NHSL3: variants seen among roughly 807,000 people sequenced by gnomAD.
NHSL3 encodes the protein NHS like 3.
chr1:32,756,932 G>A, the NHSL3 span, among the ~76,000 whole-genome samples: 1 of 152,198 alleles, frequency 6.6e-6, no homozygotes, highest in Admixed American at 6.5e-5. Flanking sequence ...TTGCGCCACT[G>A]CACTCCAGCC....
the NHSL3 span, among the ~76,000 whole-genome samples, chr1:32,757,486 A>G: frequency 2.0e-5 from 3 of 151,966 alleles, no homozygotes; most frequent in South Asian, 4.2e-4. Context: ...CTGCAGAGAC[A>G]CTTCGGAGGA....
chr1:32,756,478 C>G, the NHSL3 span, among the ~76,000 whole-genome samples: 2 of 113,956 alleles, frequency 1.8e-5, no homozygotes, highest in Admixed American at 8.4e-5. Flanking sequence ...AGACCCCCCC[C>G]CCCCGCCCAT....
the NHSL3 span, chr1:32,753,907 C>T: frequency 1.8e-5 from 4 of 226,912 alleles, no homozygotes; most frequent in Admixed American, 5.8e-5. Flanking sequence ...GGCCCCGCCC[C>T]TCCTCCGGGC....
the NHSL3 span, chr1:32,742,038 C>A: frequency 7.9e-7 from 1 of 1,259,702 alleles, no homozygotes; most frequent in Non-Finnish European, 1.0e-6. Flanking sequence ...AGAAGTCCCG[C>A]TCCGGCGCGT....
chr1:32,771,956 C>A, the NHSL3 span: 1 of 1,605,376 alleles, frequency 6.2e-7, no homozygotes, highest in Middle Eastern at 1.7e-4. Context: ...GTGCCTGCCC[C>A]CTCCTCAGGG....
At chr1:32,768,195 G>A in the NHSL3 span, 18 of 1,018,760 alleles carry the variant, frequency 1.8e-5, no homozygotes, top group Non-Finnish European at 2.6e-5. Context: ...GAACATTTCT[G>A]GGTCTCAGTT....
chr1:32,769,584 C>A, the NHSL3 span: 1 of 1,028,786 alleles, frequency 9.7e-7, no homozygotes, highest in Non-Finnish European at 1.5e-6. Flanking sequence ...AACCATTTCT[C>A]GCAGAGCTCT....
chr1:32,765,271 C>G, the NHSL3 span, among the ~76,000 whole-genome samples: 1 of 152,044 alleles, frequency 6.6e-6, no homozygotes, highest in East Asian at 1.9e-4. Flanking sequence ...ACTAGCAGCT[C>G]TGGGCTCCTG....
chr1:32,742,534 G>A, the NHSL3 span, among the ~76,000 whole-genome samples: 1 of 152,266 alleles, frequency 6.6e-6, no homozygotes, highest in Non-Finnish European at 1.5e-5. Context: ...GGGGGTCAGA[G>A]ACTTAACGCT....
chr1:32,768,639 T>C, the NHSL3 span: 1 of 1,613,958 alleles, frequency 6.2e-7, no homozygotes, highest in Non-Finnish European at 8.5e-7. Context: ...CAGATCTCCT[T>C]CTACCCTGAT....
the NHSL3 span, among the ~76,000 whole-genome samples, chr1:32,747,919 G>A: frequency 6.6e-6 from 1 of 152,132 alleles, no homozygotes; most frequent in Non-Finnish European, 1.5e-5. Flanking sequence ...GACTAGCCTG[G>A]CCAACATGGC....
At chr1:32,757,793 G>A in the NHSL3 span, among the ~76,000 whole-genome samples, 3 of 152,154 alleles carry the variant, frequency 2.0e-5, no homozygotes, top group East Asian at 5.8e-4. Flanking sequence ...TAAAACTCAA[G>A]CCTGTCACAT....
chr1:32,767,307 C>T, the NHSL3 span, among the ~76,000 whole-genome samples: 1 of 152,058 alleles, frequency 6.6e-6, no homozygotes, highest in Non-Finnish European at 1.5e-5. Flanking sequence ...CTCTGAGTGA[C>T]GTGTGAGTAC....
At chr1:32,771,211 A>C in the NHSL3 span, 1 of 1,600,206 alleles carries the variant, frequency 6.2e-7, no homozygotes, top group Non-Finnish European at 8.5e-7. Context: ...CTCCAAGCCC[A>C]GGAGCCCTAA....
At chr1:32,760,872 A>G in the NHSL3 span, among the ~76,000 whole-genome samples, 2 of 152,100 alleles carry the variant, frequency 1.3e-5, no homozygotes, top group South Asian at 2.1e-4. Context: ...TACCGGTGTG[A>G]GCCACCGCAC....
At chr1:32,772,830 C>G in the NHSL3 span, 1 of 1,611,210 alleles carries the variant, frequency 6.2e-7, no homozygotes, top group South Asian at 1.1e-5. Context: ...AGCCAGGAGG[C>G]CCCTTGCTAA....
the NHSL3 span, among the ~76,000 whole-genome samples, chr1:32,754,971 C>T: frequency 2.0e-5 from 3 of 151,998 alleles, no homozygotes; most frequent in African/African-American, 4.8e-5. Flanking sequence ...GCCGCATCTC[C>T]CCCTTTCAAT....
chr1:32,744,851 C>T, the NHSL3 span, among the ~76,000 whole-genome samples: 24 of 152,164 alleles, frequency 1.6e-4, no homozygotes, highest in South Asian at 4.4e-3. Context: ...AAAGGCTGGG[C>T]GTGGTGGCTC....
chr1:32,765,705 C>T, the NHSL3 span: 5 of 1,542,100 alleles, frequency 3.2e-6, no homozygotes, highest in Non-Finnish European at 4.4e-6. Flanking sequence ...AGTGAAGGTA[C>T]GCCCCGCGCT....
Sources: gnomAD v4.1 joint callset for allele counts (sites outside exome capture counted in the v4.1 genomes callset) on GRCh38, gnomAD v4.1.1 for gene constraint, MANE v1.5 for transcripts, NCBI Gene and HGNC (gene_info 2026-07-23, HGNC 2026-07-21) for gene names.